The following SLCO3A1 variants were observed in gnomAD, a reference collection of about 807,000 sequenced individuals.
SLCO3A1 encodes PGE1 transporter.
A neutral mutation model predicts 63.1 loss-of-function variants in SLCO3A1; 27 were observed. That is an observed-to-expected ratio of 0.43 (90% CI 0.32 to 0.59). The LOEUF (loss-of-function observed/expected upper bound fraction) is 0.59. SLCO3A1 is among the 20% of genes least tolerant of loss of function. The pLI is 0.09. For synonymous variants in SLCO3A1, 473 were observed against 409.9 expected (o/e 1.15, Z -1.86); for missense variants, 773 against 945.8 (o/e 0.82, Z 2.40).
chr15:91,929,112 G>T (rs1199643051), intron 2 of SLCO3A1, among the ~76,000 whole-genome samples: 2 of 152,288 alleles, frequency 1.3e-5, no homozygotes, highest in East Asian at 3.9e-4. Flanking sequence ...TTCCTCATGG[G>T]GAAATAATCA....
intron 2 of SLCO3A1, among the ~76,000 whole-genome samples, chr15:92,067,991 A>G (rs529574880): frequency 5.5e-4 from 83 of 152,248 alleles, no homozygotes; most frequent in African/African-American, 1.9e-3. Flanking sequence ...CACTCACCCT[A>G]TTCATGAGGG....
chr15:91,877,641 C>T (rs1897433272), intron 1 of SLCO3A1, among the ~76,000 whole-genome samples: 1 of 151,908 alleles, frequency 6.6e-6, no homozygotes, highest in African/African-American at 2.4e-5. Context: ...TTAGGGAAGG[C>T]CTTTGGGAAG....
At chr15:91,982,673 A>T (rs2046002559) in intron 2 of SLCO3A1, among the ~76,000 whole-genome samples, 1 of 152,252 alleles carries the variant, frequency 6.6e-6, no homozygotes, top group Admixed American at 6.5e-5. Context: ...TTTAATAAGG[A>T]AGATGCGTGT....
Position 91,942,469 on chromosome 15 carries a change from G to C in SLCO3A1, c.646+26011G>C, listed in dbSNP as rs756077820. 1.7e-4 allele frequency among the ~76,000 whole-genome samples: 26 copies of C among 152,214 alleles called. No individual in the cohort carries two copies. The highest frequency in any genetic ancestry group is 3.8e-4 in the Non-Finnish European group (26 of 68,030). On this transcript the variant is annotated intron_variant, in intron 2 of 9. Transcript: ENST00000318445. The surrounding 1 kb of genome is among the most constrained non-coding windows in gnomAD (Gnocchi z 4.1). ...GGGCACCATGTAGAGACCGTAGTTGGATGTGGCCTGGAGTTGTGTGTCAGT... is the reference window on the plus strand; with the variant it reads ...GGGCACCATGTAGAGACCGTAGTTGCATGTGGCCTGGAGTTGTGTGTCAGT...
In SLCO3A1 at chr15:91,912,144, T is replaced by C. The variant is rs1898507423; in HGVS notation, c.181-3849T>C. ...ATCAAGACCTTCTCCATTAGTCCTG[T>C]TACCCATTAAGTAAAGGCAGTCATT... On this transcript the variant is annotated intron_variant, in intron 1 of 9. Transcript: ENST00000318445. The surrounding 1 kb of genome is among the most constrained non-coding windows in gnomAD (Gnocchi z 5.0). Among the ~76,000 whole-genome samples the C allele has an allele frequency of 1.3e-5, 2 of 152,144 alleles. No homozygotes were observed. The highest frequency in any genetic ancestry group is 1.3e-4 in the Admixed American group (2 of 15,274).
chr15:92,153,816 G>A (rs1468681649), intron 9 of SLCO3A1, among the ~76,000 whole-genome samples: 3 of 152,168 alleles, frequency 2.0e-5, no homozygotes, highest in Non-Finnish European at 2.9e-5. Flanking sequence ...ATGAACAAAG[G>A]TCCCAGCATG....
chr15:92,031,734 G>A (rs1189056331), intron 2 of SLCO3A1, among the ~76,000 whole-genome samples: 1 of 152,178 alleles, frequency 6.6e-6, no homozygotes, highest in East Asian at 1.9e-4. Flanking sequence ...GGCATACAAT[G>A]CATAATAATC....
chr15:91,908,078 G>T (rs1258347801), intron 1 of SLCO3A1, among the ~76,000 whole-genome samples: 1 of 152,158 alleles, frequency 6.6e-6, no homozygotes, highest in African/African-American at 2.4e-5. Flanking sequence ...TGACAAAACT[G>T]TAAGGGGGGA....
Position 91,875,690 on chromosome 15 carries a change from A to G in SLCO3A1, c.180+21602A>G, listed in dbSNP as rs1251254327. 6.6e-6 allele frequency among the ~76,000 whole-genome samples: 1 copy of G among 152,244 alleles called. No homozygotes were observed. The highest frequency in any genetic ancestry group is 1.5e-5 in the Non-Finnish European group (1 of 68,050). ...AAGGTTTTGCCGTAACTCACAATAGAGAAACACAGGATGACTGAAAATCAG... is the reference window on the plus strand; with the variant it reads ...AAGGTTTTGCCGTAACTCACAATAGGGAAACACAGGATGACTGAAAATCAG... On this transcript the variant is annotated intron_variant, in intron 1 of 9. Transcript: ENST00000318445. This position sits in a 1 kb window ranked among gnomAD's most constrained non-coding sequence, Gnocchi z 4.5.
Position 92,163,261 on chromosome 15 carries a change from GCAGA to G in SLCO3A1, c.*133_*136del. Reference sequence around the variant, plus strand: ...CACACAGGCACAGATGCACACACACGCAGACAGACACACCGACTTTGTCCTTTTT... The same window carrying G: ...CACACAGGCACAGATGCACACACACGCAGACACACCGACTTTGTCCTTTTT... On this transcript the variant is annotated 3_prime_UTR_variant, in exon 10 of 10. Transcript: ENST00000318445. 1.5e-6 allele frequency: 2 copies of G among 1,365,964 alleles called. No homozygotes were observed. Among genetic ancestry groups the G allele is most frequent in the Non-Finnish European group, 1.9e-6 (2 of 1,065,416 alleles). The allele number at this position is 1,365,964 out of a possible 1,614,324, so 84.6% of individuals were successfully genotyped here. A position where few individuals can be genotyped will look rare whatever the true frequency, so the allele number is the denominator to read the frequency against.
At chr15:92,142,804 G>A (rs2048151958) in intron 7 of SLCO3A1, among the ~76,000 whole-genome samples, 1 of 152,146 alleles carries the variant, frequency 6.6e-6, no homozygotes, top group African/African-American at 2.4e-5. Flanking sequence ...GCCATGATCA[G>A]AGGATCCATT....
chr15:91,870,965 G>T (rs1897266501), intron 1 of SLCO3A1, among the ~76,000 whole-genome samples: 1 of 151,874 alleles, frequency 6.6e-6, no homozygotes, highest in Admixed American at 6.6e-5. Flanking sequence ...GATCTTTTGG[G>T]GGGTATCTTT....
rs2151426985 is a variant in SLCO3A1, at chr15:91,968,625, A to G, written c.646+52167A>G. On this transcript the variant is annotated intron_variant, in intron 2 of 9. Coordinates refer to ENST00000318445, the MANE Select transcript of SLCO3A1 (RefSeq NM_013272.4). This position sits in a 1 kb window ranked among gnomAD's most constrained non-coding sequence, Gnocchi z 4.2. Reference sequence around the variant, plus strand: ...GAAGAAGCCAGGGTAGAAACAAGCGACCCCTGCTTCCATGTGAAGCTTCAT... The same window carrying G: ...GAAGAAGCCAGGGTAGAAACAAGCGGCCCCTGCTTCCATGTGAAGCTTCAT... Among the ~76,000 whole-genome samples the G allele has an allele frequency of 6.6e-6, 1 of 152,002 alleles. No individual in the cohort carries two copies. The highest frequency in any genetic ancestry group is 2.1e-4 in the South Asian group (1 of 4,808).
chr15:92,090,717 G>A (rs1338409340), intron 2 of SLCO3A1, among the ~76,000 whole-genome samples: 2 of 152,200 alleles, frequency 1.3e-5, no homozygotes, highest in East Asian at 3.9e-4. Flanking sequence ...TATGGAGGGT[G>A]TAGTGAGCTT....
Position 91,900,951 on chromosome 15 carries a change from T to C in SLCO3A1, c.181-15042T>C, listed in dbSNP as rs1898138753. Among the ~76,000 whole-genome samples, 1 of 152,232 alleles carries C rather than the reference T, an allele frequency of 6.6e-6. No individual in the cohort carries two copies. The highest frequency in any genetic ancestry group is 2.4e-5 in the African/African-American group (1 of 41,470). The stretch of plus-strand genomic sequence containing the variant: ...CTCCAAATATTATTGTTGTATTGTT[T>C]ATTTCGCCTTTCATTTTGTCGATTT... On this transcript the variant is annotated intron_variant, in intron 1 of 9. Transcript: ENST00000318445. The surrounding 1 kb of genome is among the most constrained non-coding windows in gnomAD (Gnocchi z 4.3).
intron 1 of SLCO3A1, 133 bp from the exon 2 acceptor site, chr15:91,915,860 T>G: frequency 1.4e-6 from 1 of 722,454 alleles, no homozygotes; most frequent in Non-Finnish European, 2.4e-6. Flanking sequence ...ACAGCTGCCT[T>G]TTTGCACCTG....
At chr15:91,864,887 C>G (rs909817352) in intron 1 of SLCO3A1, among the ~76,000 whole-genome samples, 2 of 152,218 alleles carry the variant, frequency 1.3e-5, no homozygotes, top group African/African-American at 4.8e-5. Flanking sequence ...CTACCTCCCT[C>G]CACTGGCCCC....
chr15:92,002,190 C>G (rs1567060898), intron 2 of SLCO3A1, among the ~76,000 whole-genome samples: 1 of 152,020 alleles, frequency 6.6e-6, no homozygotes, highest in Non-Finnish European at 1.5e-5. Context: ...AGCCTCAGTC[C>G]AGATGTACAT....
intron 2 of SLCO3A1, among the ~76,000 whole-genome samples, chr15:92,082,344 G>A (rs2047357139): frequency 6.6e-6 from 1 of 152,216 alleles, no homozygotes; most frequent in Admixed American, 6.5e-5. Context: ...GCAAGTGGGT[G>A]ATGAGAAACG....
Sources: allele counts gnomAD v4.1 joint callset (sites outside exome capture counted in the v4.1 genomes callset), GRCh38; gene constraint gnomAD v4.1.1; non-coding constraint Gnocchi (gnomAD v3.1); transcripts MANE v1.5; gene names NCBI Gene and HGNC (gene_info 2026-07-23, HGNC 2026-07-21).